RALYL: variants seen among roughly 807,000 people sequenced by gnomAD.
The protein encoded by RALYL is RALY RNA binding protein like, also known as RNA-binding Raly-like protein.
In RALYL, 29 loss-of-function variants were observed where a neutral mutation model predicts 35.1. The ratio of observed to expected loss-of-function variants is 0.83; its 90% CI spans 0.61 to 1.13. RALYL has a LOEUF of 1.13. Ranked by LOEUF, RALYL falls within the 50% of genes most tolerant of loss-of-function variation. The pLI is 0.00. For synonymous variants in RALYL, 120 were observed against 127.6 expected, an observed-to-expected ratio of 0.94 and a Z score of 0.40; for missense variants, 359 against 360.4, an observed-to-expected ratio of 1.00 and a Z score of 0.03.
intron 2 of RALYL, among the ~76,000 whole-genome samples, chr8:84,634,892 A>T (rs1045387080): frequency 6.6e-6 from 1 of 151,752 alleles, no homozygotes; most frequent in African/African-American, 2.4e-5. Flanking sequence ...CTTTAGGTTG[A>T]TTCCACGGCA....
chr8:84,614,486 G>A (rs968336065), intron 2 of RALYL, among the ~76,000 whole-genome samples: 7 of 151,714 alleles, frequency 4.6e-5, no homozygotes, highest in Admixed American at 1.3e-4. Flanking sequence ...TCTCCAGAAT[G>A]ACTGTGCCTC....
intron 1 of RALYL, among the ~76,000 whole-genome samples, chr8:84,319,459 T>C (rs1236042458): frequency 6.6e-6 from 1 of 152,098 alleles, no homozygotes; most frequent in Non-Finnish European, 1.5e-5. Flanking sequence ...GATGACCAAT[T>C]TCATAACCTT....
chr8:84,710,230 G>A (rs1207904159), intron 2 of RALYL, among the ~76,000 whole-genome samples: 2 of 151,494 alleles, frequency 1.3e-5, no homozygotes, highest in Non-Finnish European at 2.9e-5. Context: ...CTTCCTAAAT[G>A]CCTCTCCAGT....
At chr8:84,317,528 C>T (rs1195902569) in intron 1 of RALYL, among the ~76,000 whole-genome samples, 6 of 152,102 alleles carry the variant, frequency 3.9e-5, no homozygotes, top group Admixed American at 6.6e-5. Flanking sequence ...TTTCAGGAAC[C>T]CTTAAACAGA....
In RALYL at chr8:84,332,319, GA is replaced by G. The variant is rs1220324013; in HGVS notation, c.-24+147901del. 2.6e-5 allele frequency among the ~76,000 whole-genome samples: 4 copies of G among 151,956 alleles called. No homozygotes were observed. The East Asian group carries it at 5.8e-4, about 22-fold the overall frequency. On this transcript the variant is annotated intron_variant, in intron 1 of 8. Coordinates refer to ENST00000521268, the MANE Select transcript of RALYL (RefSeq NM_173848.7). ...AGAGCTTGGTTCTTAAGAATCAGCA[GA>G]AAAAAGAAAGTACAGAGGACAGGAA...
intron 2 of RALYL, among the ~76,000 whole-genome samples, chr8:84,681,254 C>A (rs568728798): frequency 1.2e-4 from 18 of 152,256 alleles, no homozygotes; most frequent in African/African-American, 4.1e-4. Context: ...GTTCCCGTAG[C>A]CTTGTAGTAT....
At chr8:84,751,630 T>C (rs1810041217) in intron 2 of RALYL, among the ~76,000 whole-genome samples, 1 of 152,084 alleles carries the variant, frequency 6.6e-6, no homozygotes, top group Non-Finnish European at 1.5e-5. Context: ...GACTGGATCA[T>C]GGGGGTGGAT....
intron 2 of RALYL, among the ~76,000 whole-genome samples, chr8:84,688,883 T>C (rs1436770893): frequency 5.3e-5 from 8 of 151,830 alleles, no homozygotes; most frequent in Non-Finnish European, 1.2e-4. Context: ...CAGCAAATAA[T>C]CTGATTAAGA....
At chr8:84,589,267 G>T (rs1812699823) in intron 2 of RALYL, among the ~76,000 whole-genome samples, 1 of 152,158 alleles carries the variant, frequency 6.6e-6, no homozygotes, top group African/African-American at 2.4e-5. Flanking sequence ...GGATCTGAAA[G>T]GGATTCCTGA....
At chr8:84,387,201 C>A (rs1463511747) in intron 1 of RALYL, among the ~76,000 whole-genome samples, 1 of 151,784 alleles carries the variant, frequency 6.6e-6, no homozygotes, top group Non-Finnish European at 1.5e-5. Flanking sequence ...TTATTAAAAT[C>A]ATTTTCTGTG....
chr8:84,837,473 G>A (rs569871382), intron 4 of RALYL, among the ~76,000 whole-genome samples: 9 of 152,144 alleles, frequency 5.9e-5, no homozygotes, highest in East Asian at 1.9e-4. Context: ...GTTCGGTGAG[G>A]GAAAATAAGA....
intron 2 of RALYL, among the ~76,000 whole-genome samples, chr8:84,664,263 A>ATTT (rs60423756): frequency 0.016 from 911 of 58,002 alleles, 88 homozygotes; most frequent in Non-Finnish European, 0.018. Context: ...ATGCCTCTAG[A>ATTT]TTTTTTTTTT....
intron 1 of RALYL, among the ~76,000 whole-genome samples, chr8:84,381,227 C>T (rs1045406213): frequency 2.0e-5 from 3 of 151,812 alleles, no homozygotes; most frequent in Admixed American, 6.6e-5. Flanking sequence ...AAGTCACATG[C>T]TCCTATATTA....
chr8:84,686,538 G>A (rs1836834218), intron 2 of RALYL, among the ~76,000 whole-genome samples: 1 of 152,048 alleles, frequency 6.6e-6, no homozygotes, highest in Admixed American at 6.6e-5. Context: ...CTGAGTGTTT[G>A]GGATTACAGG....
chr8:84,677,815 C>A (rs1445355565), intron 2 of RALYL, among the ~76,000 whole-genome samples: 1 of 152,206 alleles, frequency 6.6e-6, no homozygotes, highest in Non-Finnish European at 1.5e-5. Flanking sequence ...AATGTACCTT[C>A]AATGCATGTA....
At chr8:84,847,115 G>A (rs1017376719) in intron 4 of RALYL, among the ~76,000 whole-genome samples, 6 of 152,200 alleles carry the variant, frequency 3.9e-5, no homozygotes, top group African/African-American at 1.4e-4. Flanking sequence ...GGGCACCTGT[G>A]GCCATGTCTT....
intron 2 of RALYL, among the ~76,000 whole-genome samples, chr8:84,690,190 T>C (rs1012916549): frequency 1.3e-5 from 2 of 152,128 alleles, no homozygotes; most frequent in Non-Finnish European, 2.9e-5. Context: ...TGGAATATTA[T>C]TGAGCCTTAA....
intron 2 of RALYL, among the ~76,000 whole-genome samples, chr8:84,742,160 T>A (rs1238953358): frequency 1.3e-5 from 2 of 152,030 alleles, no homozygotes; most frequent in African/African-American, 4.8e-5. Context: ...AGCCTCAGAC[T>A]ACAGCCTTAT....
chr8:84,470,488 C>CA (rs35871045), intron 1 of RALYL, among the ~76,000 whole-genome samples: 19 of 148,896 alleles, frequency 1.3e-4, no homozygotes, highest in Non-Finnish European at 1.0e-4. Flanking sequence ...TTTCTGTTGC[C>CA]AAAAAAAGCC....
Sources: allele counts gnomAD v4.1 joint callset (sites outside exome capture counted in the v4.1 genomes callset), GRCh38; gene constraint gnomAD v4.1.1; transcripts MANE v1.5; gene names NCBI Gene and HGNC (gene_info 2026-07-23, HGNC 2026-07-21).